Variants in WIF1 observed in about 807,000 individuals in gnomAD.
WIF1 encodes Wnt inhibitory factor 1.
A neutral mutation model predicts 53.5 loss-of-function variants in WIF1; 35 were observed. The ratio of observed to expected loss-of-function variants is 0.65; its 90% CI spans 0.50 to 0.87. WIF1 has a LOEUF of 0.87. Among genes scored for constraint, WIF1 ranks in the 40% least tolerant of loss-of-function variants. The probability of loss-of-function intolerance (pLI) is 0.00; values close to 1 mark genes in which losing one functional copy is unlikely to be tolerated. For synonymous variants in WIF1, 171 were observed against 170.4 expected (o/e 1.00, Z -0.03); for missense variants, 467 against 476.8 (o/e 0.98, Z 0.19).
intron 6 of WIF1, 82 bp from the exon 7 acceptor site, chr12:65,062,658 T>G: frequency 7.8e-7 from 1 of 1,278,324 alleles, no homozygotes; most frequent in Middle Eastern, 1.9e-4. Flanking sequence ...AGGTGCTATT[T>G]TTTAGGCATC....
chr12:65,095,227 C>T (rs1883186643), intron 2 of WIF1, among the ~76,000 whole-genome samples: 1 of 151,872 alleles, frequency 6.6e-6, no homozygotes, highest in African/African-American at 2.4e-5. Context: ...AGGTGTGAGC[C>T]ACTAGTGCCC....
intron 2 of WIF1, among the ~76,000 whole-genome samples, chr12:65,102,772 C>T (rs1270125228): frequency 1.3e-5 from 2 of 152,172 alleles, no homozygotes; most frequent in Admixed American, 1.3e-4. Flanking sequence ...TCCTTGCTTG[C>T]TGTGCCCTAG....
intron 2 of WIF1, among the ~76,000 whole-genome samples, chr12:65,079,728 G>A (rs890277885): frequency 6.6e-6 from 1 of 151,938 alleles, no homozygotes; most frequent in East Asian, 1.9e-4. Flanking sequence ...TAACATGAGA[G>A]TTAGGCAAGT....
intron 2 of WIF1, among the ~76,000 whole-genome samples, chr12:65,113,916 C>T (rs1260784335): frequency 2.6e-5 from 4 of 152,162 alleles, no homozygotes; most frequent in African/African-American, 9.7e-5. Context: ...GCATTTCCTC[C>T]ATTTGGTGAC....
chr12:65,087,094 G>C, intron 2 of WIF1, among the ~76,000 whole-genome samples: 1 of 152,198 alleles, frequency 6.6e-6, no homozygotes. Flanking sequence ...AGGTTGCTGT[G>C]AGCCAAGATC....
intron 7 of WIF1, among the ~76,000 whole-genome samples, chr12:65,058,091 C>CT (rs5798766): frequency 3.5e-4 from 52 of 149,316 alleles, no homozygotes; most frequent in African/African-American, 8.1e-4. Context: ...AAAGAAGGTC[C>CT]TTTTTTTTTT....
intron 2 of WIF1, among the ~76,000 whole-genome samples, chr12:65,107,603 G>C (rs1185044690): frequency 6.6e-6 from 1 of 152,192 alleles, no homozygotes; most frequent in Non-Finnish European, 1.5e-5. Flanking sequence ...TTGTGTAACA[G>C]AGCAAGACTC....
At chr12:65,065,519 C>T (rs1882674810) in intron 6 of WIF1, among the ~76,000 whole-genome samples, 1 of 152,104 alleles carries the variant, frequency 6.6e-6, no homozygotes. Context: ...AAAGAGTAAA[C>T]AACCTTAAGT....
intron 2 of WIF1, among the ~76,000 whole-genome samples, chr12:65,090,465 C>A (rs1048014546): frequency 2.0e-5 from 3 of 152,064 alleles, no homozygotes; most frequent in Non-Finnish European, 4.4e-5. Context: ...TGGAAGGGAG[C>A]TGATCATTAA....
chr12:65,085,055 T>G (rs1036521633), intron 2 of WIF1, among the ~76,000 whole-genome samples: 18 of 152,158 alleles, frequency 1.2e-4, no homozygotes, highest in Non-Finnish European at 2.5e-4. Context: ...ATAATGTAAA[T>G]GAGGTCCTGT....
At chr12:65,081,321 C>T (rs9971694) in intron 2 of WIF1, among the ~76,000 whole-genome samples, 4,514 of 152,086 alleles carry the variant, frequency 0.03, 228 homozygotes, top group African/African-American at 0.1. Context: ...AGCTTCTGAA[C>T]GCCTCTTCCA....
At chr12:65,117,467 G>A (rs1239939999) in intron 2 of WIF1, among the ~76,000 whole-genome samples, 5 of 152,130 alleles carry the variant, frequency 3.3e-5, no homozygotes, top group African/African-American at 1.2e-4. Flanking sequence ...AGAACACTTT[G>A]GATTACTGTA....
At chr12:65,077,978 C>T (rs1882890344) in intron 2 of WIF1, 124 bp from the exon 3 acceptor site, 1 of 705,080 alleles carries the variant, frequency 1.4e-6, no homozygotes, top group African/African-American at 1.8e-5. Flanking sequence ...GAGCACACAG[C>T]ATCCAAGATA....
In WIF1 at chr12:65,120,463, G is replaced by A; in HGVS notation, c.242C>T (p.Pro81Leu). The A allele has an allele frequency of 6.2e-7, 1 of 1,614,066 alleles. No homozygotes were observed. ...AAAATTCATGGAATGGATATTGACA[G>A]GAATAGCTGGCATTCTCTGTTGTGC... ...RKAQQRMPAIPVNIHSMNFTW... is the reference protein window; with the variant it reads ...RKAQQRMPAILVNIHSMNFTW... The change falls in exon 2 of 10, where the codon CCT (proline) becomes CTT (leucine). Residue 81 changes from proline to leucine, a missense_variant. Transcript: ENST00000286574.
intron 2 of WIF1, among the ~76,000 whole-genome samples, chr12:65,115,276 A>G (rs1883491904): frequency 6.6e-6 from 1 of 151,914 alleles, no homozygotes; most frequent in African/African-American, 2.4e-5. Context: ...GATAGAACAT[A>G]TTATAGTTAT....
chr12:65,103,554 C>T lies in WIF1; in HGVS notation c.288+16863G>A, dbSNP rs140565953. The stretch of plus-strand genomic sequence containing the variant: ...TCAAACTTTGGGAATCAAAAATATT[C>T]CACTAGTCTGGAGCCAAGTGGATTT... On this transcript the variant is annotated intron_variant, in intron 2 of 9. Transcript: ENST00000286574. Among the ~76,000 whole-genome samples the T allele has an allele frequency of 3.2e-3, 480 of 152,228 alleles. 1 individual carries two copies. Among genetic ancestry groups the T allele is most frequent in the African/African-American group, 0.011 (468 of 41,534 alleles).
At chr12:65,102,314 T>C (rs1268694103) in intron 2 of WIF1, among the ~76,000 whole-genome samples, 1 of 152,158 alleles carries the variant, frequency 6.6e-6, no homozygotes, top group Non-Finnish European at 1.5e-5. Flanking sequence ...AGTCTCATGA[T>C]CTTCAGTTGG....
At chr12:65,069,833 T>C (rs1882745975) in intron 3 of WIF1, among the ~76,000 whole-genome samples, 1 of 152,194 alleles carries the variant, frequency 6.6e-6, no homozygotes, top group Non-Finnish European at 1.5e-5. Flanking sequence ...AAGCTGATTA[T>C]GTATATTTCC....
At position 65,056,888 on chromosome 12, in the gene WIF1, G is replaced by T. The variant is rs139313664; in HGVS notation, c.827-762C>A. On this transcript the variant is annotated intron_variant, in intron 7 of 9. Transcript: ENST00000286574. ...TGGTCTCGAACTCCTGACCTCAAGT[G>T]ATCCCCCCACCTCAACCTCCCAAAA... is the stretch of plus-strand genomic sequence containing the variant. Among the ~76,000 whole-genome samples the T allele has an allele frequency of 5.3e-3, 807 of 152,176 alleles. 5 individuals carry two copies. Among genetic ancestry groups the T allele is most frequent in the African/African-American group, 0.019 (768 of 41,508 alleles).
Sources: allele counts gnomAD v4.1 joint callset (sites outside exome capture counted in the v4.1 genomes callset), GRCh38; gene constraint gnomAD v4.1.1; transcripts MANE v1.5; gene names NCBI Gene and HGNC (gene_info 2026-07-23, HGNC 2026-07-21).